Variants in IQCM observed in about 807,000 individuals in gnomAD.
The protein encoded by IQCM is IQ domain-containing protein M.
A neutral mutation model predicts 57.6 loss-of-function variants in IQCM; 45 were observed. The observed-to-expected ratio is 0.78, with a 90% CI of 0.62 to 1.00. The LOEUF (loss-of-function observed/expected upper bound fraction) is 1.00. Among genes scored for constraint, IQCM ranks in the 50% least tolerant of loss-of-function variants. The pLI, the probability that IQCM is intolerant of heterozygous loss-of-function variation, is 0.00. For synonymous variants in IQCM, 148 were observed against 158.9 expected, an observed-to-expected ratio of 0.93 and a Z score of 0.51; for missense variants, 468 against 511.6, an observed-to-expected ratio of 0.91 and a Z score of 0.82.
intron 7 of IQCM, among the ~76,000 whole-genome samples, chr4:149,628,895 C>T (rs1351797724): frequency 1.3e-5 from 2 of 152,102 alleles, no homozygotes; most frequent in African/African-American, 2.4e-5. Flanking sequence ...TAATAGACCA[C>T]CAACAGAATT....
intron 5 of IQCM, among the ~76,000 whole-genome samples, chr4:149,705,915 T>TAAA (rs72347789): frequency 1.2e-4 from 18 of 148,570 alleles, no homozygotes; most frequent in East Asian, 9.9e-4. Flanking sequence ...AAGACACAAA[T>TAAA]AAAAAAAAAA....
intron 2 of IQCM, among the ~76,000 whole-genome samples, chr4:149,793,949 C>A (rs1258827559): frequency 7.2e-5 from 11 of 152,276 alleles, no homozygotes; most frequent in Admixed American, 4.6e-4. Context: ...AAACAGAATG[C>A]AATAGCAAAA....
chr4:149,667,482 C>T lies in IQCM; in HGVS notation c.565+14636G>A, dbSNP rs185291658. Among the ~76,000 whole-genome samples the T allele has an allele frequency of 2.6e-5, 4 of 152,198 alleles. No homozygotes were observed. The East Asian group carries it at 7.8e-4, about 30-fold the overall frequency. On this transcript the variant is annotated intron_variant, in intron 7 of 13. Coordinates refer to ENST00000636793, the MANE Select transcript of IQCM (RefSeq NM_001363507.2). ...ATCCATGAAGATGAGAAAACCAGCACAAAAAGTCTAAAAATTCCAAAAACC... is the reference window on the plus strand; with the variant it reads ...ATCCATGAAGATGAGAAAACCAGCATAAAAAGTCTAAAAATTCCAAAAACC...
intron 13 of IQCM, among the ~76,000 whole-genome samples, chr4:149,389,624 C>G (rs1382043110): frequency 2.0e-5 from 3 of 150,284 alleles, no homozygotes; most frequent in African/African-American, 7.3e-5. Context: ...AACCAAACAC[C>G]GCATATTCTC....
intron 13 of IQCM, among the ~76,000 whole-genome samples, chr4:149,368,302 C>T (rs1427535335): frequency 2.0e-5 from 3 of 151,790 alleles, no homozygotes; most frequent in Admixed American, 6.6e-5. Context: ...ATATAATCAA[C>T]CTTCTTAGAA....
intron 13 of IQCM, among the ~76,000 whole-genome samples, chr4:149,371,954 A>C (rs1471003223): frequency 6.6e-6 from 1 of 152,176 alleles, no homozygotes; most frequent in East Asian, 1.9e-4. Context: ...GAATTTCTCA[A>C]GCTTTAAAAA....
chr4:149,558,873 A>T (rs371304512), intron 10 of IQCM, among the ~76,000 whole-genome samples: 4 of 152,316 alleles, frequency 2.6e-5, no homozygotes, highest in Non-Finnish European at 5.9e-5. Context: ...CATATACTCA[A>T]CTGCTTCCCA....
chr4:149,537,234 G>T (rs1183516013), intron 12 of IQCM, among the ~76,000 whole-genome samples: 1 of 151,618 alleles, frequency 6.6e-6, no homozygotes, highest in Non-Finnish European at 1.5e-5. Context: ...AAAGAAAAAT[G>T]TGATAATATT....
intron 8 of IQCM, among the ~76,000 whole-genome samples, chr4:149,612,373 T>C (rs2654824): frequency 0.21 from 32,217 of 152,154 alleles, 4,261 homozygotes; most frequent in Non-Finnish European, 0.28. Flanking sequence ...AAAAATAACC[T>C]GAGCTTCATT....
chr4:149,584,657 C>A (rs1003833973), intron 9 of IQCM, among the ~76,000 whole-genome samples: 1 of 151,634 alleles, frequency 6.6e-6, no homozygotes, highest in African/African-American at 2.4e-5. Context: ...TGTACATATA[C>A]AAACAAAAGT....
intron 12 of IQCM, among the ~76,000 whole-genome samples, chr4:149,444,495 A>G (rs1041118674): frequency 9.2e-5 from 14 of 151,924 alleles, no homozygotes; most frequent in Non-Finnish European, 2.9e-5. Flanking sequence ...CTTCTAAAAG[A>G]GCAAGATTAA....
rs535464197 is a variant in IQCM at position 149,488,337 on chromosome 4, T to C, written c.1229-54780A>G. ...TGATTATAAAACAGGCATAAAAATA[T>C]AGTTATGCTAAAATGAGCCAACTAT... is the stretch of plus-strand genomic sequence containing the variant. On this transcript the variant is annotated intron_variant, in intron 12 of 13. Coordinates refer to ENST00000636793, the MANE Select transcript of IQCM (RefSeq NM_001363507.2). Among the ~76,000 whole-genome samples, 4 of 152,292 alleles carry C rather than the reference T, an allele frequency of 2.6e-5. No individual in the cohort carries two copies. In the South Asian group the frequency reaches 8.3e-4, roughly 32 times the overall value.
intron 12 of IQCM, among the ~76,000 whole-genome samples, chr4:149,509,370 C>T (rs1418808250): frequency 6.6e-6 from 1 of 151,952 alleles, no homozygotes; most frequent in Admixed American, 6.6e-5. Context: ...TTCAACCTCT[C>T]AGGGCTCAAG....
intron 13 of IQCM, among the ~76,000 whole-genome samples, chr4:149,368,998 A>ATATATGTG (rs1553956066): frequency 9.0e-5 from 7 of 77,560 alleles, no homozygotes; most frequent in African/African-American, 3.0e-4. Flanking sequence ...ACGTGTATAT[A>ATATATGTG]TATATATATA....
At chr4:149,564,471 A>G (rs1750424556) in intron 9 of IQCM, among the ~76,000 whole-genome samples, 1 of 152,182 alleles carries the variant, frequency 6.6e-6, no homozygotes, top group South Asian at 2.1e-4. Context: ...GACCAGATTG[A>G]AGGAACAAAG....
rs1579447604 is a variant in IQCM at position 149,548,362 on chromosome 4, A to G, written c.1228+93T>C. The stretch of plus-strand genomic sequence containing the variant: ...AGTAAAAGTAAGGGAAGGAATGAAG[A>G]AAGGAAGAGAACAACTAAGGAAAGT... On this transcript the variant is annotated intron_variant, in intron 12 of 13. Transcript: ENST00000636793. 17 of 1,042,628 alleles carry G rather than the reference A, an allele frequency of 1.6e-5. 1 individual carries two copies. The highest frequency in any genetic ancestry group is 2.1e-5 in the Non-Finnish European group (17 of 815,658). 64.6% of individuals were successfully genotyped at this position (1,042,628 alleles called of 1,614,324 possible).
At chr4:149,616,833 C>T (rs760302372) in intron 8 of IQCM, among the ~76,000 whole-genome samples, 4 of 152,036 alleles carry the variant, frequency 2.6e-5, no homozygotes, top group Non-Finnish European at 4.4e-5. Flanking sequence ...AGCAAACCAC[C>T]ATGGCATACA....
At chr4:149,572,749 T>C (rs1366676241) in intron 9 of IQCM, among the ~76,000 whole-genome samples, 3 of 151,976 alleles carry the variant, frequency 2.0e-5, no homozygotes, top group Non-Finnish European at 4.4e-5. Context: ...ATTAGAAACA[T>C]ACATATAGAA....
intron 12 of IQCM, among the ~76,000 whole-genome samples, chr4:149,479,860 A>G (rs1275411883): frequency 6.6e-6 from 1 of 152,230 alleles, no homozygotes; most frequent in Non-Finnish European, 1.5e-5. Flanking sequence ...CAGGGGCCCA[A>G]GAGATTATAC....
Sources: allele counts gnomAD v4.1 joint callset (sites outside exome capture counted in the v4.1 genomes callset), GRCh38; gene constraint gnomAD v4.1.1; transcripts MANE v1.5; gene names NCBI Gene and HGNC (gene_info 2026-07-23, HGNC 2026-07-21).